MYH11: variants seen among roughly 807,000 people sequenced by gnomAD.
The protein encoded by MYH11 is myosin-11.
MYH11 carries 80 observed loss-of-function variants against 246.6 expected under a neutral mutation model. The observed-to-expected ratio is 0.32, with a 90% CI of 0.27 to 0.39. The LOEUF is 0.39. MYH11 is among the 10% of genes least tolerant of loss of function. The pLI is 1.00. For synonymous variants in MYH11, 1,071 were observed against 1,015.5 expected (o/e 1.05, Z -1.04); for missense variants, 2,158 against 2,546.8 (o/e 0.85, Z 3.29).
chr16:15,761,265 C>T (rs1407589288), intron 10 of MYH11, among the ~76,000 whole-genome samples: 1 of 152,028 alleles, frequency 6.6e-6, no homozygotes, highest in Non-Finnish European at 1.5e-5. Flanking sequence ...TGCCTGCCAC[C>T]ACACCCAGCT....
At chr16:15,745,373 G>A in intron 19 of MYH11, 136 bp from the exon 20 acceptor site, 2 of 635,124 alleles carry the variant, frequency 3.1e-6, no homozygotes, top group South Asian at 3.7e-5. Context: ...CAGAAACCCT[G>A]TGTGACACAT....
At chr16:15,851,258 G>A (rs1349551890) in intron 1 of MYH11, among the ~76,000 whole-genome samples, 1 of 152,086 alleles carries the variant, frequency 6.6e-6, no homozygotes, top group African/African-American at 2.4e-5. Flanking sequence ...TGCTTGGCAG[G>A]TCCCCAGTAG....
intron 20 of MYH11, among the ~76,000 whole-genome samples, chr16:15,744,086 CAG>C (rs1426200970): frequency 1.3e-5 from 2 of 150,618 alleles, no homozygotes; most frequent in South Asian, 2.1e-4. Flanking sequence ...GCCTGGGTAA[CAG>C]AGTGAGACTC....
rs1427135683 is a variant in MYH11, at chr16:15,784,608, A to G, written c.633+2022T>C. The stretch of plus-strand genomic sequence containing the variant: ...GCCTACCCCATTTCTACCACCAGCT[A>G]CGGGACTCGGTGGGTGCAAGAGGAT... On this transcript the variant is annotated intron_variant, in intron 5 of 40. Coordinates refer to ENST00000300036, the MANE Select transcript of MYH11 (RefSeq NM_002474.3). 4 of 1,406,496 alleles carry G rather than the reference A, an allele frequency of 2.8e-6. No individual in the cohort carries two copies. The East Asian group carries it at 6.9e-5, about 24-fold the overall frequency. The allele number at this position is 1,406,496 out of a possible 1,614,324, so 87.1% of individuals were successfully genotyped here. A position where few individuals can be genotyped will look rare whatever the true frequency, so the allele number is the denominator to read the frequency against.
chr16:15,753,595 TC>T, intron 14 of MYH11, 87 bp from the exon 15 acceptor site: 1 of 997,460 alleles, frequency 1.0e-6, no homozygotes, highest in Non-Finnish European at 1.6e-6. Flanking sequence ...CCATTGTCCT[TC>T]CAGATCTTCT....
At chr16:15,743,269 A>G (rs1181614941) in intron 20 of MYH11, among the ~76,000 whole-genome samples, 2 of 152,154 alleles carry the variant, frequency 1.3e-5, no homozygotes, top group Admixed American at 6.5e-5. Flanking sequence ...CCTCGGTTCA[A>G]GTGATTCTCC....
intron 40 of MYH11, chr16:15,713,410 A>T (rs1315015982): frequency 1.3e-5 from 2 of 152,168 alleles, no homozygotes; most frequent in Admixed American, 6.6e-5. Context: ...TCAAAGAAAA[A>T]GTGAAAAGCA....
intron 25 of MYH11, 76 bp from the exon 26 acceptor site, chr16:15,735,654 T>C: frequency 2.8e-6 from 4 of 1,437,084 alleles, no homozygotes; most frequent in Admixed American, 1.7e-5. Context: ...CAAAAACTTT[T>C]CTGGGACCAG....
chr16:15,760,465 G>C (rs958288067), intron 11 of MYH11, 75 bp downstream of exon 11: 19 of 1,138,886 alleles, frequency 1.7e-5, no homozygotes, highest in Non-Finnish European at 2.1e-5. Flanking sequence ...ACATGAATGA[G>C]TGAACAGGTG....
intron 3 of MYH11, among the ~76,000 whole-genome samples, chr16:15,812,551 TAAAAAA>T (rs71134466): frequency 1.4e-3 from 53 of 37,406 alleles, no homozygotes; most frequent in African/African-American, 4.3e-3. Context: ...ATCTTATCTC[TAAAAAA>T]AAAAAAAAAA....
chr16:15,812,821 C>A (rs536396001), intron 3 of MYH11, among the ~76,000 whole-genome samples: 5 of 151,842 alleles, frequency 3.3e-5, no homozygotes, highest in Admixed American at 3.3e-4. Flanking sequence ...TGCAGTGAGC[C>A]GTGTTTGTGC....
intron 27 of MYH11, among the ~76,000 whole-genome samples, chr16:15,731,901 AC>A (rs2040973487): frequency 6.6e-6 from 1 of 151,280 alleles, no homozygotes; most frequent in Non-Finnish European, 1.5e-5. Flanking sequence ...CGATCCTCCC[AC>A]CTCAGCCTCC....
chr16:15,736,661 G>A (rs2041127569), intron 25 of MYH11, among the ~76,000 whole-genome samples: 1 of 152,104 alleles, frequency 6.6e-6, no homozygotes, highest in African/African-American at 2.4e-5. Flanking sequence ...GCACAAATTG[G>A]CCGACAAAAG....
At chr16:15,721,758 G>C in intron 31 of MYH11, 124 bp from the exon 32 acceptor site, 1 of 957,736 alleles carries the variant, frequency 1.0e-6, no homozygotes, top group Non-Finnish European at 1.6e-6. Flanking sequence ...AGCAGTGTAG[G>C]TTAGCTATGG....
intron 5 of MYH11, among the ~76,000 whole-genome samples, chr16:15,784,298 C>A (rs1383632159): frequency 2.0e-5 from 3 of 152,106 alleles, no homozygotes; most frequent in African/African-American, 4.8e-5. Context: ...GACTGTCCAT[C>A]GAGCCAGGGA....
chr16:15,756,053 G>T (rs778706028), intron 14 of MYH11, among the ~76,000 whole-genome samples: 1 of 152,066 alleles, frequency 6.6e-6, no homozygotes, highest in Non-Finnish European at 1.5e-5. Flanking sequence ...AGCTATGATC[G>T]CACCACTGCA....
rs1340072984 is a variant in MYH11 at position 15,741,475 on chromosome 16, G to A, written c.2847C>T (p.Ala949=). The change falls in exon 22 of 41, where the codon GCC becomes GCT. Residue 949 remains alanine (A), a synonymous_variant. Coordinates refer to ENST00000300036, the MANE Select transcript of MYH11 (RefSeq NM_002474.3). The part of the protein sequence containing the change: ...QQLQAERKKM[A]QQMLDLEEQL... ...TGTGACACCTTACCAGCATCTGCTGGGCCATCTTCTTCCTTTCAGCCTGTA... is the reference window on the plus strand; with the variant it reads ...TGTGACACCTTACCAGCATCTGCTGAGCCATCTTCTTCCTTTCAGCCTGTA... The A allele has an allele frequency of 4.4e-6, 7 of 1,607,930 alleles. No individual in the cohort carries two copies. Among genetic ancestry groups the A allele is most frequent in the Admixed American group, 1.7e-5 (1 of 60,002 alleles).
Position 15,802,281 on chromosome 16 carries a change from C to T in MYH11, c.503-3594G>A, listed in dbSNP as rs2042906418. Reference sequence around the variant, plus strand: ...TGCTGAACTTCTGTGTTGAAGTGACCCACTGAATTCTCTCAGCAGCTCCTG... The same window carrying T: ...TGCTGAACTTCTGTGTTGAAGTGACTCACTGAATTCTCTCAGCAGCTCCTG... On this transcript the variant is annotated intron_variant, in intron 3 of 40. Transcript: ENST00000300036. Among the ~76,000 whole-genome samples the T allele has an allele frequency of 3.3e-5, 5 of 152,188 alleles. No individual in the cohort carries two copies. The South Asian group carries it at 1.0e-3, about 31-fold the overall frequency.
rs1226812860 is a variant in MYH11, at chr16:15,784,781, G to A, written c.633+1849C>T. 6.3e-6 allele frequency: 10 copies of A among 1,594,816 alleles called. No individual in the cohort carries two copies. In the Admixed American group the frequency reaches 1.4e-4, roughly 22 times the overall value. The stretch of plus-strand genomic sequence containing the variant: ...GTTATTTCCATCACATGGACATCAG[G>A]GGCTGGAGAATATATGACTTTGATC... On this transcript the variant is annotated intron_variant, in intron 5 of 40. Transcript: ENST00000300036.
Sources: allele counts gnomAD v4.1 joint callset (sites outside exome capture counted in the v4.1 genomes callset), GRCh38; gene constraint gnomAD v4.1.1; transcripts MANE v1.5; gene names NCBI Gene and HGNC (gene_info 2026-07-23, HGNC 2026-07-21).